The following MEAF6 variants were observed in gnomAD, a reference collection of about 807,000 sequenced individuals.
The protein encoded by MEAF6 is MYST/Esa1 associated factor 6.
A neutral mutation model predicts 28.9 loss-of-function variants in MEAF6; 15 were observed. The observed-to-expected ratio is 0.52, with a 90% CI of 0.35 to 0.80. MEAF6 has a LOEUF of 0.80. MEAF6 is among the 30% of genes least tolerant of loss of function. The pLI is 0.01. For synonymous variants in MEAF6, 97 were observed against 88.7 expected (o/e 1.09, Z -0.53); for missense variants, 178 against 237.5 (o/e 0.75, Z 1.65).
At chr1:37,507,824 T>TAA (rs770678028) in intron 4 of MEAF6, among the ~76,000 whole-genome samples, 21 of 132,208 alleles carry the variant, frequency 1.6e-4, no homozygotes, top group African/African-American at 4.7e-4. Flanking sequence ...GACTCCGTCT[T>TAA]AAAAAAAAAA....
intron 5 of MEAF6, among the ~76,000 whole-genome samples, chr1:37,497,576 G>GTAATTATTTATT (rs1642163843): frequency 6.7e-6 from 1 of 149,732 alleles, no homozygotes; most frequent in Non-Finnish European, 1.5e-5. Context: ...TGCAGCACCC[G>GTAATTATTTATT]TATTTATTTA....
In MEAF6 at chr1:37,490,368, A is replaced by C. The variant is rs1451930580; in HGVS notation, c.*3731T>G. 6.6e-6 allele frequency among the ~76,000 whole-genome samples: 1 copy of C among 152,134 alleles called. No homozygotes were observed. The highest frequency in any genetic ancestry group is 1.9e-4 in the East Asian group (1 of 5,188). On this transcript the variant is annotated 3_prime_UTR_variant, in exon 7 of 7. Coordinates refer to ENST00000296214, the MANE Select transcript of MEAF6 (RefSeq NM_001270875.3). ...TCATTTAGACTGACACAGGTATGAA[A>C]ATTCCAATCCCTTCTTTTCACTATC...
At chr1:37,495,070 C>T (rs1453391922) in intron 6 of MEAF6, among the ~76,000 whole-genome samples, 3 of 151,926 alleles carry the variant, frequency 2.0e-5, no homozygotes, top group Non-Finnish European at 4.4e-5. Flanking sequence ...TGCGGTGGCT[C>T]ACGCCTGTAA....
At chr1:37,513,676 A>T in intron 1 of MEAF6, 138 bp from the exon 2 acceptor site, 1 of 704,280 alleles carries the variant, frequency 1.4e-6, no homozygotes, top group Non-Finnish European at 2.5e-6. Context: ...GATGGAAGAT[A>T]CGGGGAGGAG....
At chr1:37,505,147 G>T (rs1642440193) in intron 4 of MEAF6, among the ~76,000 whole-genome samples, 5 of 152,148 alleles carry the variant, frequency 3.3e-5, no homozygotes, top group Non-Finnish European at 7.3e-5. Flanking sequence ...GGCTCCCAAA[G>T]TTCTGGGATT....
chr1:37,498,218 T>C (rs1466168305), intron 5 of MEAF6, among the ~76,000 whole-genome samples: 2 of 152,168 alleles, frequency 1.3e-5, no homozygotes, highest in Non-Finnish European at 2.9e-5. Context: ...CACAAAATAG[T>C]TTCACTTTAG....
intron 5 of MEAF6, chr1:37,496,556 GT>G: frequency 7.1e-7 from 1 of 1,411,932 alleles, no homozygotes; most frequent in Non-Finnish European, 9.3e-7. Flanking sequence ...CCTCCATCAC[GT>G]TTTTCTGTTT....
At chr1:37,502,349 C>A (rs1642336361) in intron 4 of MEAF6, among the ~76,000 whole-genome samples, 1 of 151,714 alleles carries the variant, frequency 6.6e-6, no homozygotes, top group Admixed American at 6.6e-5. Flanking sequence ...GCACTGGGAT[C>A]ACAGGCATGA....
At chr1:37,494,838 A>G (rs541196749) in intron 6 of MEAF6, among the ~76,000 whole-genome samples, 1 of 151,284 alleles carries the variant, frequency 6.6e-6, no homozygotes, top group Non-Finnish European at 1.5e-5. Flanking sequence ...CACACACACA[A>G]AAAAAAAATT....
rs778697516 is a variant in MEAF6 at position 37,514,640 on chromosome 1, C to G, written c.90+17G>C. ...CGCGGAGCCCCATGCCGTGCAACCCCTGTCCTAGCCCCTCACCGCCAGCTC... is the reference window on the plus strand; with the variant it reads ...CGCGGAGCCCCATGCCGTGCAACCCGTGTCCTAGCCCCTCACCGCCAGCTC... On this transcript the variant is annotated intron_variant, in intron 1 of 6. Transcript: ENST00000296214. 2.4e-5 allele frequency: 36 copies of G among 1,512,974 alleles called. No homozygotes were observed. The highest frequency in any genetic ancestry group is 5.9e-5 in the Admixed American group (3 of 50,794). 93.7% of individuals were successfully genotyped at this position (1,512,974 alleles called of 1,614,324 possible).
chr1:37,497,260 C>T lies in MEAF6; in HGVS notation c.534-1342G>A, dbSNP rs146973443. On this transcript the variant is annotated intron_variant, in intron 5 of 6. Transcript: ENST00000296214. ...TGTTTGTTTGTTTGTTTGTTTGAAA[C>T]GGAGTCTCGCTCTGGCACCCAGGCT... is the stretch of plus-strand genomic sequence containing the variant. 7.5e-3 allele frequency among the ~76,000 whole-genome samples: 1,135 copies of T among 152,012 alleles called. 20 individuals carry two copies. Among genetic ancestry groups the T allele is most frequent in the African/African-American group, 0.026 (1,085 of 41,388 alleles).
chr1:37,500,035 C>T (rs940393002), intron 5 of MEAF6, among the ~76,000 whole-genome samples: 11 of 152,050 alleles, frequency 7.2e-5, no homozygotes, highest in African/African-American at 2.4e-4. Context: ...GGCCAGACAC[C>T]GTGGCTCATG....
intron 6 of MEAF6, 97 bp from the exon 7 acceptor site, chr1:37,494,204 G>A (rs1028408548): frequency 1.0e-6 from 1 of 1,001,886 alleles, no homozygotes; most frequent in East Asian, 2.4e-5. Flanking sequence ...TCTACTAGGG[G>A]ACTGCTCTAT....
intron 5 of MEAF6, among the ~76,000 whole-genome samples, chr1:37,497,104 A>G (rs1642149886): frequency 6.6e-6 from 1 of 152,248 alleles, no homozygotes; most frequent in Non-Finnish European, 1.5e-5. Flanking sequence ...TATATAATGA[A>G]AGGCACTTTG....
chr1:37,495,766 G>A (rs992908856), intron 6 of MEAF6, 119 bp downstream of exon 6: 11 of 817,812 alleles, frequency 1.3e-5, no homozygotes, highest in Admixed American at 6.4e-5. Context: ...GGACACCCCA[G>A]ACTTTAAATC....
chr1:37,506,224 T>C (rs1642477842), intron 4 of MEAF6, among the ~76,000 whole-genome samples: 1 of 150,464 alleles, frequency 6.6e-6, no homozygotes, highest in Non-Finnish European at 1.5e-5. Flanking sequence ...TGAGCCAAGA[T>C]AGTGCCACTG....
chr1:37,506,289 A>G (rs2148078581), intron 4 of MEAF6, among the ~76,000 whole-genome samples: 1 of 152,210 alleles, frequency 6.6e-6, no homozygotes, highest in Admixed American at 6.5e-5. Context: ...AAAAACTTAG[A>G]TGCCACTAGG....
At chr1:37,496,270 C>A (rs1300456549) in intron 5 of MEAF6, among the ~76,000 whole-genome samples, 2 of 152,272 alleles carry the variant, frequency 1.3e-5, no homozygotes, top group South Asian at 2.1e-4. Context: ...AACTATATCA[C>A]TGAAAATTAC....
At chr1:37,495,700 AAAACAAAAAAAAAAAAAAAC>A (rs1557603889) in intron 6 of MEAF6, among the ~76,000 whole-genome samples, 165 bp downstream of exon 6, 6 of 116,046 alleles carry the variant, frequency 5.2e-5, no homozygotes, top group African/African-American at 1.9e-4. Context: ...AAAAAAACAA[AAAACAAAAAAAAAAAAAAAC>A]AAAAAAACCA....
Sources: gnomAD v4.1 joint callset for allele counts (sites outside exome capture counted in the v4.1 genomes callset) on GRCh38, gnomAD v4.1.1 for gene constraint, MANE v1.5 for transcripts, NCBI Gene and HGNC (gene_info 2026-07-23, HGNC 2026-07-21) for gene names.